The following EFCAB6 variants were observed in gnomAD, a reference collection of about 807,000 sequenced individuals.
EFCAB6 encodes EF-hand calcium-binding domain-containing protein 6.
In EFCAB6, 156 loss-of-function variants were observed where a neutral mutation model predicts 169.8. The ratio of observed to expected loss-of-function variants is 0.92; its 90% confidence interval spans 0.81 to 1.05. The LOEUF is 1.05. Ranked by LOEUF, EFCAB6 falls within the 50% of genes least tolerant of loss-of-function variation. The pLI is 0.00. For synonymous variants in EFCAB6, 698 were observed against 676.4 expected (o/e 1.03, Z -0.50); for missense variants, 1,800 against 1,829.1 (o/e 0.98, Z 0.29).
intron 26 of EFCAB6, among the ~76,000 whole-genome samples, chr22:43,561,987 C>G (rs1602271256): frequency 6.6e-6 from 1 of 152,120 alleles, no homozygotes; most frequent in East Asian, 1.9e-4. Flanking sequence ...GTGCTGGGCC[C>G]GAACACCTCA....
intron 4 of EFCAB6, among the ~76,000 whole-genome samples, chr22:43,771,882 T>G (rs1300772971): frequency 6.6e-6 from 1 of 152,164 alleles, no homozygotes; most frequent in Non-Finnish European, 1.5e-5. Flanking sequence ...TCCCTTCACT[T>G]CCGATAGAAG....
In EFCAB6 at chr22:43,671,823, A is replaced by C. The variant is rs530108569; in HGVS notation, c.1640+150T>G. Reference sequence around the variant, plus strand: ...TATAATGCATGTCAAACTCTTAAGCAATGTCCAGTGCTAAGCAAGGATTCA... The same window carrying C: ...TATAATGCATGTCAAACTCTTAAGCCATGTCCAGTGCTAAGCAAGGATTCA... On this transcript the variant is annotated intron_variant, in intron 15 of 31. Coordinates refer to ENST00000262726, the MANE Select transcript of EFCAB6 (RefSeq NM_022785.4). The C allele has an allele frequency of 4.0e-4, 353 of 887,424 alleles. 1 individual carries two copies. Among genetic ancestry groups the C allele is most frequent in the South Asian group, 1.5e-3 (84 of 55,646 alleles). 55.0% of individuals were successfully genotyped at this position (887,424 alleles called of 1,614,324 possible).
chr22:43,718,031 T>C (rs1198739442), intron 8 of EFCAB6, among the ~76,000 whole-genome samples: 2 of 135,166 alleles, frequency 1.5e-5, no homozygotes, highest in South Asian at 2.7e-4. Flanking sequence ...ACTTATTTTG[T>C]ATATCTTTCT....
rs773603598 is a variant in EFCAB6 at position 43,554,874 on chromosome 22, C to T, written c.3643G>A (p.Glu1215Lys). Residue 1215 changes from glutamate (E) to lysine (K), a missense_variant, in exon 27 of 32, where the codon GAA becomes AAA. By Grantham distance (56) the Glu-to-Lys change is moderately conservative. Transcript: ENST00000262726. Reference protein sequence around the residue: ...CNRRVQILTDEQFDRLWNEMP... With the variant: ...CNRRVQILTDKQFDRLWNEMP... ...GACTGACTGGCGTTTCTTACCTGTT[C>T]GTCCGTCAGGATTTGGACGCGGCGA... 66 of 1,614,026 alleles carry T rather than the reference C, an allele frequency of 4.1e-5. 1 individual carries two copies. In the South Asian group the frequency reaches 5.3e-4, roughly 13 times the overall value.
chr22:43,589,280 CAAAAAAAAAAAAAA>C (rs1163346832), intron 24 of EFCAB6, among the ~76,000 whole-genome samples: 5 of 80,950 alleles, frequency 6.2e-5, no homozygotes, highest in East Asian at 2.3e-4. Flanking sequence ...GACTTCATGT[CAAAAAAAAAAAAAA>C]AAAAAAAAAA....
Position 43,534,846 on chromosome 22 carries a change from T to A in EFCAB6, c.4075A>T (p.Ile1359Leu). The change falls in exon 30 of 32, where the codon ATA (isoleucine) becomes TTA (leucine). Residue 1359 changes from isoleucine (I) to leucine (L), a missense_variant. Coordinates refer to ENST00000262726, the MANE Select transcript of EFCAB6 (RefSeq NM_022785.4). ...LALVEKFNLD[I>L]SKEECQQLII... ...AGCTGCTGACACTCCTCTTTGCTTA[T>A]GTCCAGGTTGAATTTCTCCACAAGA... The A allele has an allele frequency of 1.2e-6, 2 of 1,604,552 alleles. No individual in the cohort carries two copies. Among genetic ancestry groups the A allele is most frequent in the Non-Finnish European group, 1.7e-6 (2 of 1,177,580 alleles).
chr22:43,782,511 CCTT>C (rs2061861768), intron 2 of EFCAB6, among the ~76,000 whole-genome samples, 186 bp from the exon 3 acceptor site: 1 of 152,202 alleles, frequency 6.6e-6, no homozygotes, highest in Non-Finnish European at 1.5e-5. Flanking sequence ...ATTTTGGACT[CCTT>C]GTTTTCAGCA....
At chr22:43,758,039 T>C (rs1008072912) in intron 5 of EFCAB6, among the ~76,000 whole-genome samples, 8 of 152,238 alleles carry the variant, frequency 5.3e-5, no homozygotes, top group Non-Finnish European at 1.2e-4. Flanking sequence ...TACATGATAA[T>C]TGAATCCTTA....
At position 43,537,280 on chromosome 22, in the gene EFCAB6, T is replaced by G; in HGVS notation, c.4048+97A>C. ...ACCAGTTTCCTGTTCTGCTGCTCCCTGGCCTCCACCCGGGGTGTGGCTTTG... is the reference window on the plus strand; with the variant it reads ...ACCAGTTTCCTGTTCTGCTGCTCCCGGGCCTCCACCCGGGGTGTGGCTTTG... On this transcript the variant is annotated intron_variant, in intron 29 of 31. Coordinates refer to ENST00000262726, the MANE Select transcript of EFCAB6 (RefSeq NM_022785.4). The surrounding 1 kb of genome is among the most constrained non-coding windows in gnomAD (Gnocchi z 4.3). The G allele has an allele frequency of 6.8e-7, 1 of 1,466,710 alleles. No homozygotes were observed. The highest frequency in any genetic ancestry group is 2.1e-4 in the Middle Eastern group (1 of 4,850). The allele number at this position is 1,466,710 out of a possible 1,614,324, so 90.9% of individuals were successfully genotyped here.
intron 17 of EFCAB6, among the ~76,000 whole-genome samples, chr22:43,653,097 C>G (rs764257351): frequency 4.6e-5 from 7 of 152,046 alleles, no homozygotes; most frequent in Non-Finnish European, 1.0e-4. Context: ...TGAAGAGAGG[C>G]ATGTGGGATC....
intron 15 of EFCAB6, among the ~76,000 whole-genome samples, chr22:43,670,706 GAACA>G (rs2057452539): frequency 6.6e-6 from 1 of 152,206 alleles, no homozygotes; most frequent in Non-Finnish European, 1.5e-5. Context: ...CCACAACTGT[GAACA>G]AACCAGAACA....
chr22:43,740,070 C>T (rs923442641), intron 6 of EFCAB6, among the ~76,000 whole-genome samples: 2 of 152,132 alleles, frequency 1.3e-5, no homozygotes, highest in Admixed American at 1.3e-4. Context: ...TGCTCAGCCC[C>T]TCCCGCCTCA....
chr22:43,665,394 T>C (rs1263474516), intron 17 of EFCAB6, among the ~76,000 whole-genome samples: 8 of 152,158 alleles, frequency 5.3e-5, no homozygotes, highest in African/African-American at 1.9e-4. Context: ...CTTACCAACA[T>C]CTACTGCCAC....
intron 26 of EFCAB6, among the ~76,000 whole-genome samples, chr22:43,561,809 G>C (rs969822310): frequency 1.3e-5 from 2 of 152,118 alleles, no homozygotes; most frequent in Non-Finnish European, 2.9e-5. Flanking sequence ...TCTATAACTA[G>C]AAGAAATGTT....
chr22:43,781,165 G>A (rs2061810550), intron 3 of EFCAB6, among the ~76,000 whole-genome samples: 1 of 152,152 alleles, frequency 6.6e-6, no homozygotes, highest in South Asian at 2.1e-4. Flanking sequence ...TAAAGGATAC[G>A]TATTTTTGGA....
In EFCAB6 at chr22:43,731,779, G is replaced by T. The variant is rs192863079; in HGVS notation, c.677C>A (p.Thr226Asn). The part of the protein sequence containing the change: ...FSKHYNIHKD[T>N]AVDYNVFLKN... ...CAAAAACACGTTGTAATCTACTGCA[G>T]TATCCTTGTGGATGTTGTAGTGTTT... The change falls in exon 8 of 32, where the codon ACT becomes AAT. Residue 226 changes from threonine to asparagine, a missense_variant. Thr to Asn is a moderately conservative substitution (Grantham distance 65). Transcript: ENST00000262726. 2.4e-5 allele frequency: 38 copies of T among 1,597,478 alleles called. No homozygotes were observed. The East Asian group carries it at 8.6e-4, about 36-fold the overall frequency.
rs545008342 is a variant in EFCAB6, at chr22:43,588,236, G to A, written c.3032+1838C>T. On this transcript the variant is annotated intron_variant, in intron 24 of 31. Transcript: ENST00000262726. ...CTTCTAATCTGCACCTCAGTGCCCC[G>A]TCCTCCACTCTTAGTATGGACATAT... 6.3e-4 allele frequency among the ~76,000 whole-genome samples: 96 copies of A among 152,162 alleles called. 2 individuals carry two copies. In the South Asian group the frequency reaches 0.011, roughly 17 times the overall value.
intron 6 of EFCAB6, among the ~76,000 whole-genome samples, chr22:43,741,666 A>G (rs1726386388): frequency 6.6e-6 from 1 of 152,220 alleles, no homozygotes; most frequent in Non-Finnish European, 1.5e-5. Flanking sequence ...GCCCAGACGC[A>G]GCGGATGCCC....
At chr22:43,746,051 GC>G (rs949087451) in intron 6 of EFCAB6, among the ~76,000 whole-genome samples, 3 of 152,130 alleles carry the variant, frequency 2.0e-5, no homozygotes, top group Non-Finnish European at 4.4e-5. Flanking sequence ...TGGTAGAGAT[GC>G]GCCAAACCAG....
Sources: allele counts gnomAD v4.1 joint callset (sites outside exome capture counted in the v4.1 genomes callset), GRCh38; gene constraint gnomAD v4.1.1; non-coding constraint Gnocchi (gnomAD v3.1); transcripts MANE v1.5; gene names NCBI Gene and HGNC (gene_info 2026-07-23, HGNC 2026-07-21).